The following MAPK6 variants were observed in gnomAD, a reference collection of about 807,000 sequenced individuals.
The protein encoded by MAPK6 is mitogen-activated protein kinase 6.
A neutral mutation model predicts 59.3 loss-of-function variants in MAPK6; 19 were observed. The observed-to-expected ratio is 0.32, with a 90% CI of 0.22 to 0.47. MAPK6 has a LOEUF of 0.47. MAPK6 is among the 20% of genes least tolerant of loss of function. The probability of loss-of-function intolerance (pLI) is 1.00; values close to 1 mark genes in which losing one functional copy is unlikely to be tolerated. For missense variants in MAPK6, 724 were observed against 847.9 expected (o/e 0.85, Z 1.81); for synonymous variants, 316 against 290.3 (o/e 1.09, Z -0.90).
rs1215444534 is a variant in MAPK6 at position 52,067,015 on chromosome 15, C to T, written c.*2015C>T. ...GACAGGATGTAAAGGAAGCAACGGG[C>T]AGCAGACATTGGTCCCTGATCCTCC... On this transcript the variant is annotated 3_prime_UTR_variant, in exon 6 of 6. Coordinates refer to ENST00000261845, the MANE Select transcript of MAPK6 (RefSeq NM_002748.4). 6.6e-6 allele frequency: 1 copy of T among 152,112 alleles called. No homozygotes were observed. Among genetic ancestry groups the T allele is most frequent in the Non-Finnish European group, 1.5e-5 (1 of 68,026 alleles). 9.4% of individuals were successfully genotyped at this position (152,112 alleles called of 1,614,324 possible). A position where few individuals can be genotyped will look rare whatever the true frequency, so the allele number is the denominator to read the frequency against.
chr15:52,032,977 G>A (rs146751006), intron 1 of MAPK6, among the ~76,000 whole-genome samples: 9 of 151,956 alleles, frequency 5.9e-5, no homozygotes, highest in African/African-American at 1.9e-4. Flanking sequence ...GAGCCACCGC[G>A]CCCGGCCTCC....
intron 1 of MAPK6, among the ~76,000 whole-genome samples, chr15:52,026,666 CTG>C (rs2030790293): frequency 6.6e-6 from 1 of 152,112 alleles, no homozygotes; most frequent in Non-Finnish European, 1.5e-5. Context: ...TTGGCATTTA[CTG>C]TGTGTGTAAA....
intron 5 of MAPK6, 75 bp downstream of exon 5, chr15:52,061,575 A>ATTATGTATAAGACATTG: frequency 9.1e-7 from 1 of 1,104,298 alleles, no homozygotes; most frequent in Non-Finnish European, 1.3e-6. Context: ...TTTTTTTAAA[A>ATTATGTATAAGACATTG]TTATGTATAA....
chr15:52,009,799 G>A (rs1214897395), intron 3 of MAPK6, among the ~76,000 whole-genome samples: 1 of 151,810 alleles, frequency 6.6e-6, no homozygotes, highest in East Asian at 1.9e-4. Flanking sequence ...TTGAGACAGA[G>A]TCTTGCTCTG....
intron 2 of MAPK6, among the ~76,000 whole-genome samples, chr15:51,991,265 G>A (rs2057207838): frequency 2.6e-5 from 4 of 151,714 alleles, no homozygotes. Flanking sequence ...AGGCAAATAT[G>A]AATTTATGTT....
At chr15:51,991,985 C>G (rs2057210043) in intron 2 of MAPK6, among the ~76,000 whole-genome samples, 1 of 152,160 alleles carries the variant, frequency 6.6e-6, no homozygotes, top group Non-Finnish European at 1.5e-5. Flanking sequence ...GAGACTGGGT[C>G]TCGCTCTGTC....
At chr15:52,061,025 C>T (rs746903869) in intron 4 of MAPK6, among the ~76,000 whole-genome samples, 1 of 152,140 alleles carries the variant, frequency 6.6e-6, no homozygotes, top group Non-Finnish European at 1.5e-5. Flanking sequence ...GGATTACAGG[C>T]GTGAGCCACC....
At chr15:51,984,701 G>C (rs967572459) in intron 2 of MAPK6, among the ~76,000 whole-genome samples, 7 of 151,934 alleles carry the variant, frequency 4.6e-5, no homozygotes, top group African/African-American at 1.7e-4. Flanking sequence ...GGGAAGAAAA[G>C]CCCTGATATG....
chr15:52,046,522 T>C lies in MAPK6; in HGVS notation c.62T>C (p.Met21Thr), dbSNP rs1348871504. Residue 21 changes from methionine to threonine, a missense_variant, in exon 2 of 6, where the codon ATG (methionine) becomes ACG (threonine). Met to Thr is a moderately conservative substitution (Grantham distance 81, BLOSUM62 -1). Around this residue, in one of 4 missense-constraint regions of MAPK6, gnomAD observed 30 missense variants for 55.3 expected, o/e 0.54. Coordinates refer to ENST00000261845, the MANE Select transcript of MAPK6 (RefSeq NM_002748.4). ...IHGFDLGSRY[M>T]DLKPLGCGGN... ...GGTTTTGATCTGGGTTCTAGGTATA[T>C]GGACTTAAAACCATTGGGTTGTGGA... 6.2e-7 allele frequency: 1 copy of C among 1,613,872 alleles called. No individual in the cohort carries two copies. The highest frequency in any genetic ancestry group is 1.7e-5 in the Admixed American group (1 of 59,986).
At chr15:51,973,746 G>A (rs958884810) in intron 1 of MAPK6, among the ~76,000 whole-genome samples, 5 of 151,696 alleles carry the variant, frequency 3.3e-5, no homozygotes, top group Admixed American at 6.6e-5. Flanking sequence ...TCCACCTCCC[G>A]GGTTCGAGTG....
chr15:52,046,684 A>T lies in MAPK6; in HGVS notation c.224A>T (p.Asp75Val). The T allele has an allele frequency of 6.2e-7, 1 of 1,614,186 alleles. No homozygotes were observed. The highest frequency in any genetic ancestry group is 8.5e-7 in the Non-Finnish European group (1 of 1,180,016). Residue 75 changes from aspartate (D) to valine (V), a missense_variant, in exon 2 of 6, where the codon GAT (aspartate) becomes GTT (valine). This residue lies in a region of MAPK6 where 87 missense variants were observed against 93.0 expected (regional missense o/e 0.93). Transcript: ENST00000261845. ...EIKIIRRLDH[D>V]NIVKVFEILG... ...AAAATTATTAGAAGACTTGACCATG[A>T]TAACATTGTGAAAGTGTTTGAGATT...
At chr15:52,030,861 G>A (rs896929884) in intron 1 of MAPK6, among the ~76,000 whole-genome samples, 4 of 149,748 alleles carry the variant, frequency 2.7e-5, no homozygotes, top group Admixed American at 6.7e-5. Context: ...GCGTGATCTC[G>A]GCTGACTGCA....
intron 1 of MAPK6, among the ~76,000 whole-genome samples, chr15:51,972,710 T>C (rs1408110033): frequency 6.7e-6 from 1 of 150,102 alleles, no homozygotes; most frequent in Non-Finnish European, 1.5e-5. Flanking sequence ...TCGTCCCAGC[T>C]ACTAGGGAGG....
chr15:52,014,846 T>A (rs550147388), upstream of MAPK6, among the ~76,000 whole-genome samples: 1 of 152,368 alleles, frequency 6.6e-6, no homozygotes, highest in South Asian at 2.1e-4. Flanking sequence ...AGACAAAAGT[T>A]GCAGAAAACA....
intron 3 of MAPK6, among the ~76,000 whole-genome samples, chr15:52,012,997 A>C (rs1209967724): frequency 8.6e-5 from 1 of 11,596 alleles, no homozygotes; most frequent in Admixed American, 1.4e-3. Flanking sequence ...GAAAAAAAAA[A>C]AAAAAAAAAA....
chr15:52,065,046 T>C lies in MAPK6; in HGVS notation c.*46T>C. 6.7e-7 allele frequency: 1 copy of C among 1,502,554 alleles called. No homozygotes were observed. The allele number at this position is 1,502,554 out of a possible 1,614,324, so 93.1% of individuals were successfully genotyped here. A position where few individuals can be genotyped will look rare whatever the true frequency, so the allele number is the denominator to read the frequency against. On this transcript the variant is annotated 3_prime_UTR_variant, in exon 6 of 6. Coordinates refer to ENST00000261845, the MANE Select transcript of MAPK6 (RefSeq NM_002748.4). ...CTTTGTATTCTTCATGAAATGTGTT[T>C]TGTCTTTTTTTATTACTAGTGTTTA...
chr15:51,992,584 G>C (rs1309998199), intron 2 of MAPK6, among the ~76,000 whole-genome samples: 2 of 151,906 alleles, frequency 1.3e-5, no homozygotes, highest in Admixed American at 6.6e-5. Context: ...GATTACAAGC[G>C]TGAGCCACCA....
chr15:52,007,650 C>T (rs376825353), intron 3 of MAPK6, among the ~76,000 whole-genome samples: 90 of 150,718 alleles, frequency 6.0e-4, no homozygotes, highest in Non-Finnish European at 7.2e-4. Flanking sequence ...CTGTAGTGAG[C>T]TGTGTTTGCA....
At chr15:52,031,993 C>T (rs567469382) in intron 1 of MAPK6, among the ~76,000 whole-genome samples, 4 of 151,734 alleles carry the variant, frequency 2.6e-5, no homozygotes, top group South Asian at 4.2e-4. Flanking sequence ...CCCTGCCTCC[C>T]GGGTTCATGC....
Sources: allele counts gnomAD v4.1 joint callset (sites outside exome capture counted in the v4.1 genomes callset), GRCh38; gene constraint gnomAD v4.1.1; regional missense constraint gnomAD v4.1.1; transcripts MANE v1.5; gene names NCBI Gene and HGNC (gene_info 2026-07-23, HGNC 2026-07-21).